Variants in CCNH observed in about 807,000 individuals in gnomAD.
The protein encoded by CCNH is cyclin-H.
In CCNH, 31 loss-of-function variants were observed where a neutral mutation model predicts 41.9. That is an observed-to-expected ratio of 0.74 (90% CI 0.56 to 1.00). The LOEUF (loss-of-function observed/expected upper bound fraction) is 1.00, where lower values mean the gene tolerates loss of function less well. Among genes scored for constraint, CCNH ranks in the 50% least tolerant of loss-of-function variants. CCNH has a pLI of 0.00. For synonymous variants in CCNH, 138 were observed against 136.1 expected, an observed-to-expected ratio of 1.01 and a Z score of -0.10; for missense variants, 362 against 388.4, an observed-to-expected ratio of 0.93 and a Z score of 0.57.
upstream of CCNH, chr5:87,380,606 T>C (rs1160666037): frequency 6.3e-7 from 1 of 1,596,662 alleles, no homozygotes; most frequent in Non-Finnish European, 8.6e-7. Flanking sequence ...GTAAGGCTCA[T>C]CAATTGATTT....
At chr5:87,386,044 T>G (rs1762041498) in intron 9 of CCNH, among the ~76,000 whole-genome samples, 1 of 152,094 alleles carries the variant, frequency 6.6e-6, no homozygotes, top group Non-Finnish European at 1.5e-5. Flanking sequence ...CAAGATTTCC[T>G]GTCAGCAATT....
chr5:87,369,991 A>G, intron 9 of CCNH: 1 of 1,075,074 alleles, frequency 9.3e-7, no homozygotes, highest in Non-Finnish European at 1.4e-6. Context: ...CATTCAAGAT[A>G]AAGTGACAGA....
chr5:87,379,964 A>T, upstream of CCNH: 5 of 1,097,434 alleles, frequency 4.6e-6, no homozygotes, highest in Non-Finnish European at 6.6e-6. Flanking sequence ...ACTCTGAAAA[A>T]GTCATGGTTA....
downstream of CCNH, among the ~76,000 whole-genome samples, chr5:87,390,130 A>AT (rs1762391455): frequency 6.6e-6 from 1 of 152,212 alleles, no homozygotes; most frequent in Admixed American, 6.5e-5. Context: ...GATGTATTCA[A>AT]AGACCAGACC....
chr5:87,366,963 A>T (rs1379886224), intron 9 of CCNH, among the ~76,000 whole-genome samples: 1 of 152,216 alleles, frequency 6.6e-6, no homozygotes, highest in African/African-American at 2.4e-5. Context: ...GCCCAGGCTC[A>T]CAACTGCCAG....
chr5:87,313,993 C>A (rs1756123274), downstream of CCNH, among the ~76,000 whole-genome samples: 1 of 151,714 alleles, frequency 6.6e-6, no homozygotes, highest in Non-Finnish European at 1.5e-5. Flanking sequence ...CATGGAGAAA[C>A]CCTGTCTCTA....
intron 6 of CCNH, 41 bp from the exon 7 acceptor site, chr5:87,399,546 AC>A (rs758446285): frequency 7.7e-7 from 1 of 1,305,648 alleles, no homozygotes; most frequent in African/African-American, 1.4e-5. Flanking sequence ...GAATAAGCAA[AC>A]CTCCTTCTCA....
At chr5:87,349,509 C>A in intron 9 of CCNH, 1 of 941,594 alleles carries the variant, frequency 1.1e-6, no homozygotes, top group Non-Finnish European at 1.6e-6. Context: ...AGTAGTCATG[C>A]CCAAGAATTC....
upstream of CCNH, chr5:87,378,339 T>G (rs565634778): frequency 3.2e-4 from 505 of 1,572,096 alleles, no homozygotes; most frequent in Admixed American, 1.2e-3. Flanking sequence ...AATTTCCAAT[T>G]TGGTCACATT....
intron 7 of CCNH, among the ~76,000 whole-genome samples, chr5:87,398,120 C>A (rs962456817): frequency 6.6e-5 from 10 of 152,206 alleles, no homozygotes; most frequent in African/African-American, 2.2e-4. Context: ...ATTCCTGTTA[C>A]CACTGAAACC....
At chr5:87,399,790 T>G (rs972544905) in intron 6 of CCNH, among the ~76,000 whole-genome samples, 6 of 152,196 alleles carry the variant, frequency 3.9e-5, no homozygotes, top group Non-Finnish European at 7.3e-5. Context: ...CTGGGGTCAC[T>G]TCTTGTTCAG....
At chr5:87,407,775 A>G (rs575117949) in intron 4 of CCNH, among the ~76,000 whole-genome samples, 1 of 152,238 alleles carries the variant, frequency 6.6e-6, no homozygotes, top group East Asian at 1.9e-4. Context: ...CCCACCCAAC[A>G]ATCTCAGTTA....
chr5:87,391,368 A>ATTAT (rs1180270871), downstream of CCNH: 1 of 265,180 alleles, frequency 3.8e-6, no homozygotes, highest in Non-Finnish European at 7.4e-6. Context: ...CTGTTCAATG[A>ATTAT]TTATTTGTAT....
chr5:87,323,056 A>C (rs1022548656), intron 9 of CCNH, among the ~76,000 whole-genome samples: 1 of 152,142 alleles, frequency 6.6e-6, no homozygotes, highest in Non-Finnish European at 1.5e-5. Context: ...TTAGAGAGGG[A>C]AATTTGGGGA....
At chr5:87,342,791 T>C (rs1275688302) in intron 9 of CCNH, among the ~76,000 whole-genome samples, 1 of 152,186 alleles carries the variant, frequency 6.6e-6, no homozygotes, top group Non-Finnish European at 1.5e-5. Context: ...AGTCTAGTGT[T>C]GTTAGATCCT....
At chr5:87,375,920 A>G (rs182065811), downstream of CCNH, among the ~76,000 whole-genome samples, 1 of 152,318 alleles carries the variant, frequency 6.6e-6, no homozygotes, top group Non-Finnish European at 1.5e-5. Flanking sequence ...ATGACACAGA[A>G]CGAAGGCCAT....
At chr5:87,364,139 T>C (rs910421823) in intron 9 of CCNH, among the ~76,000 whole-genome samples, 2 of 152,154 alleles carry the variant, frequency 1.3e-5, no homozygotes, top group Non-Finnish European at 2.9e-5. Flanking sequence ...TTACCATTTT[T>C]ATTACCTATT....
At chr5:87,401,304 TCTC>T (rs1323601434) in intron 6 of CCNH, among the ~76,000 whole-genome samples, 1 of 152,216 alleles carries the variant, frequency 6.6e-6, no homozygotes, top group East Asian at 1.9e-4. Flanking sequence ...GTGTGTCAAA[TCTC>T]CTTCTACCTT....
chr5:87,381,896 T>C (rs1157994150), upstream of CCNH, among the ~76,000 whole-genome samples: 1 of 152,214 alleles, frequency 6.6e-6, no homozygotes, highest in Non-Finnish European at 1.5e-5. Flanking sequence ...ATTATCACAA[T>C]ATTTTCAAGT....
Sources: allele counts gnomAD v4.1 joint callset (sites outside exome capture counted in the v4.1 genomes callset), GRCh38; gene constraint gnomAD v4.1.1; transcripts MANE v1.5; gene names NCBI Gene and HGNC (gene_info 2026-07-23, HGNC 2026-07-21).